Variants in SKAP1 observed in about 807,000 individuals in gnomAD.
SKAP1 encodes src kinase-associated phosphoprotein 1.
Under a neutral mutation model 58.5 loss-of-function variants are expected in SKAP1, and 44 were observed. The ratio of observed to expected loss-of-function variants is 0.75; its 90% CI spans 0.59 to 0.97. The LOEUF (loss-of-function observed/expected upper bound fraction) is 0.97. Among genes scored for constraint, SKAP1 ranks in the 50% least tolerant of loss-of-function variants. The probability of loss-of-function intolerance (pLI) is 0.00; values close to 1 mark genes in which losing one functional copy is unlikely to be tolerated. For synonymous variants in SKAP1, 127 were observed against 149.7 expected (o/e 0.85, Z 1.11); for missense variants, 390 against 435.2 (o/e 0.90, Z 0.92).
intron 4 of SKAP1, among the ~76,000 whole-genome samples, chr17:48,254,791 A>C (rs964040491): frequency 1.3e-5 from 2 of 151,884 alleles, no homozygotes; most frequent in South Asian, 2.1e-4. Flanking sequence ...TCACCTAGAA[A>C]TACCATAAAA....
At chr17:48,271,969 T>C (rs1373513929) in intron 4 of SKAP1, among the ~76,000 whole-genome samples, 3 of 152,216 alleles carry the variant, frequency 2.0e-5, no homozygotes, top group Non-Finnish European at 4.4e-5. Context: ...GGTATACTTC[T>C]TCTGAATCTC....
At chr17:48,191,822 C>A (rs2064549267) in intron 4 of SKAP1, among the ~76,000 whole-genome samples, 1 of 152,276 alleles carries the variant, frequency 6.6e-6, no homozygotes, top group African/African-American at 2.4e-5. Flanking sequence ...TGCCATAAAT[C>A]CTTTTAATCA....
chr17:48,203,336 T>C (rs1473211545), intron 4 of SKAP1, among the ~76,000 whole-genome samples: 1 of 152,218 alleles, frequency 6.6e-6, no homozygotes, highest in African/African-American at 2.4e-5. Context: ...TGTAGAAAGC[T>C]GAAGGCACAT....
At chr17:48,424,649 G>A in intron 1 of SKAP1, among the ~76,000 whole-genome samples, 1 of 150,748 alleles carries the variant, frequency 6.6e-6, no homozygotes, top group East Asian at 2.0e-4. Flanking sequence ...AAACCCTCAG[G>A]AAAGGCCAGG....
At chr17:48,361,067 T>C (rs1317285049) in intron 3 of SKAP1, among the ~76,000 whole-genome samples, 4 of 130,752 alleles carry the variant, frequency 3.1e-5, no homozygotes, top group South Asian at 5.0e-4. Context: ...GCACAACTTG[T>C]ACTGTACTAT....
intron 10 of SKAP1, 72 bp downstream of exon 10, chr17:48,170,537 A>G: frequency 7.7e-7 from 1 of 1,306,528 alleles, no homozygotes; most frequent in Admixed American, 1.7e-5. Context: ...GTAGTCTCAG[A>G]GAAAGGTGCT....
chr17:48,191,234 A>C (rs1161098207), intron 4 of SKAP1, among the ~76,000 whole-genome samples: 2 of 152,240 alleles, frequency 1.3e-5, no homozygotes, highest in African/African-American at 2.4e-5. Flanking sequence ...TTACTTCTCA[A>C]AAAATAAAAT....
intron 4 of SKAP1, among the ~76,000 whole-genome samples, chr17:48,292,991 C>T (rs1023815546): frequency 1.3e-5 from 2 of 152,050 alleles, no homozygotes; most frequent in African/African-American, 4.8e-5. Flanking sequence ...CACACTGGGG[C>T]AAGTTCATTT....
At chr17:48,339,589 T>A (rs966795798) in intron 4 of SKAP1, among the ~76,000 whole-genome samples, 3 of 152,112 alleles carry the variant, frequency 2.0e-5, no homozygotes, top group African/African-American at 7.2e-5. Flanking sequence ...GGTGCTAGGG[T>A]ACCAGTGACT....
At chr17:48,180,890 T>C (rs1598401877) in intron 8 of SKAP1, among the ~76,000 whole-genome samples, 1 of 152,130 alleles carries the variant, frequency 6.6e-6, no homozygotes, top group South Asian at 2.1e-4. Context: ...GACCTTAAAG[T>C]GGGTCACTGC....
intron 1 of SKAP1, among the ~76,000 whole-genome samples, chr17:48,400,495 T>C (rs2144545436): frequency 6.6e-6 from 1 of 152,224 alleles, no homozygotes; most frequent in Non-Finnish European, 1.5e-5. Context: ...TGGTGGTCCA[T>C]GCTTGGGATT....
intron 1 of SKAP1, among the ~76,000 whole-genome samples, chr17:48,429,016 G>T (rs999709314): frequency 2.6e-5 from 4 of 152,008 alleles, no homozygotes; most frequent in Non-Finnish European, 5.9e-5. Context: ...TTGATTAGGA[G>T]GCATTTATAC....
chr17:48,271,828 T>A (rs1008684270), intron 4 of SKAP1, among the ~76,000 whole-genome samples: 3 of 152,210 alleles, frequency 2.0e-5, no homozygotes, highest in African/African-American at 7.2e-5. Flanking sequence ...TAGGGGATTC[T>A]GATACATGCC....
chr17:48,432,805 A>G (rs918964714), upstream of SKAP1, among the ~76,000 whole-genome samples: 3 of 152,254 alleles, frequency 2.0e-5, no homozygotes, highest in Non-Finnish European at 4.4e-5. Context: ...ACATACTAAT[A>G]TAAGCTACCA....
chr17:48,184,950 T>A (rs2064426753), intron 6 of SKAP1, 103 bp from the exon 7 acceptor site: 3 of 1,145,398 alleles, frequency 2.6e-6, no homozygotes, highest in Admixed American at 2.7e-5. Context: ...AGCTGTTACA[T>A]CCCTGAGGAA....
At chr17:48,170,710 T>TTA in intron 9 of SKAP1, 51 bp from the exon 10 acceptor site, 1 of 1,494,154 alleles carries the variant, frequency 6.7e-7, no homozygotes, top group Non-Finnish European at 9.2e-7. Flanking sequence ...CAGTCTCATG[T>TTA]TCTTTTTTTT....
chr17:48,313,535 A>G (rs1598555024), intron 4 of SKAP1, among the ~76,000 whole-genome samples: 1 of 152,298 alleles, frequency 6.6e-6, no homozygotes, highest in East Asian at 1.9e-4. Context: ...GCTTGGCAAC[A>G]GACCTTCCAA....
At chr17:48,241,892 T>C (rs899537587) in intron 4 of SKAP1, among the ~76,000 whole-genome samples, 9 of 152,200 alleles carry the variant, frequency 5.9e-5, no homozygotes, top group Non-Finnish European at 1.2e-4. Flanking sequence ...TTCCATTCTT[T>C]GCTGGTAGTT....
At chr17:48,431,212 A>T (rs541492876), upstream of SKAP1, among the ~76,000 whole-genome samples, 1 of 152,310 alleles carries the variant, frequency 6.6e-6, no homozygotes, top group East Asian at 1.9e-4. Context: ...TGGGAGGCTG[A>T]AGCAGGAGGA....
Sources: gnomAD v4.1 joint callset for allele counts (sites outside exome capture counted in the v4.1 genomes callset) on GRCh38, gnomAD v4.1.1 for gene constraint, MANE v1.5 for transcripts, NCBI Gene and HGNC (gene_info 2026-07-23, HGNC 2026-07-21) for gene names.